TFAP2A: variants seen among roughly 807,000 people sequenced by gnomAD.
The protein encoded by TFAP2A is transcription factor AP-2 alpha, also known as transcription factor AP-2-alpha.
Under a neutral mutation model 41.5 loss-of-function variants are expected in TFAP2A, and 7 were observed. The observed-to-expected ratio is 0.17, with a 90% CI of 0.10 to 0.32. The LOEUF (loss-of-function observed/expected upper bound fraction) is 0.32, where lower values mean the gene tolerates loss of function less well. Ranked by LOEUF, TFAP2A falls within the 10% of genes least tolerant of loss-of-function variation. The pLI is 1.00. For synonymous variants in TFAP2A, 247 were observed against 242.8 expected (o/e 1.02, Z -0.16); for missense variants, 416 against 563.3 (o/e 0.74, Z 2.65).
intron 1 of TFAP2A, among the ~76,000 whole-genome samples, chr6:10,414,407 G>A (rs1045025119): frequency 4.6e-5 from 7 of 152,124 alleles, no homozygotes; most frequent in African/African-American, 1.4e-4. Flanking sequence ...AAGTGTGGGG[G>A]GGCCGTCTCT....
chr6:10,405,898 C>G (rs537348327), intron 3 of TFAP2A: 1 of 152,092 alleles, frequency 6.6e-6, no homozygotes, highest in Non-Finnish European at 1.5e-5. Flanking sequence ...AATAAAAGAG[C>G]CAATTATCAT....
Position 10,398,099 on chromosome 6 carries a change from C to T in TFAP2A, c.*318G>A. On this transcript the variant is annotated 3_prime_UTR_variant, in exon 7 of 7. Transcript: ENST00000379613. This position sits in a 1 kb window ranked among gnomAD's most constrained non-coding sequence, Gnocchi z 5.3. ...TGTTTTGTTTAAAAAAAAAAGGGTT[C>T]ACAAACTTGGCAGAACTTTTCTCTG... 4.1e-6 allele frequency: 5 copies of T among 1,212,516 alleles called. No homozygotes were observed. The highest frequency in any genetic ancestry group is 2.8e-5 in the South Asian group (1 of 36,050). The allele number at this position is 1,212,516 out of a possible 1,614,324, so 75.1% of individuals were successfully genotyped here. A position where few individuals can be genotyped will look rare whatever the true frequency, so the allele number is the denominator to read the frequency against.
chr6:10,415,142 G>A (rs951963481), upstream of TFAP2A: 1 of 1,542,818 alleles, frequency 6.5e-7, no homozygotes, highest in African/African-American at 1.4e-5. Flanking sequence ...AGGGAGAGGA[G>A]GAGGGCAAGG....
intron 6 of TFAP2A, among the ~76,000 whole-genome samples, chr6:10,400,067 A>G (rs1761951013): frequency 6.6e-6 from 1 of 152,148 alleles, no homozygotes; most frequent in South Asian, 2.1e-4. Flanking sequence ...CCCTTGGAGA[A>G]CATATTGATA....
At chr6:10,404,451 A>G in intron 4 of TFAP2A, 57 bp downstream of exon 4, 1 of 1,284,462 alleles carries the variant, frequency 7.8e-7, no homozygotes, top group Non-Finnish European at 1.0e-6. Context: ...CCCCGGCGCA[A>G]GCGCAGTGGT....
chr6:10,411,937 A>T, intron 1 of TFAP2A: 5 of 1,151,628 alleles, frequency 4.3e-6, no homozygotes, highest in Non-Finnish European at 5.4e-6. Context: ...CGTGTTCCTT[A>T]ATCCGTGTCT....
chr6:10,402,739 A>T (rs1488973586), intron 4 of TFAP2A, 129 bp from the exon 5 acceptor site: 15 of 746,918 alleles, frequency 2.0e-5, no homozygotes, highest in Non-Finnish European at 2.8e-5. Flanking sequence ...CAAGACATTT[A>T]AAGGAGGGAA....
intron 6 of TFAP2A, among the ~76,000 whole-genome samples, chr6:10,399,477 G>C (rs1761922419): frequency 6.6e-6 from 1 of 152,214 alleles, no homozygotes; most frequent in Admixed American, 6.5e-5. Flanking sequence ...ATTTCGCAGA[G>C]GTAGATGAGG....
chr6:10,409,790 G>A (rs1255347006), intron 2 of TFAP2A, 111 bp downstream of exon 2: 1 of 1,320,104 alleles, frequency 7.6e-7, no homozygotes, highest in Non-Finnish European at 1.0e-6. Context: ...GTTTTTATAA[G>A]GAAATACTAG....
rs772479857 is a variant in TFAP2A at position 10,410,277 on chromosome 6, C to A, written c.110G>T (p.Gly37Val). 6.2e-6 allele frequency: 10 copies of A among 1,610,988 alleles called. No individual in the cohort carries two copies. In the East Asian group the frequency reaches 2.2e-4, roughly 36 times the overall value. ...TARLPQLGTVGQSPYTSAPPL... is the reference protein window; with the variant it reads ...TARLPQLGTVVQSPYTSAPPL... ...CGGGGCGCTCGTGTAGGGAGATTGA[C>A]CTACAGTGCCCAGCTGGGGCAACCG... The change falls in exon 2 of 7, where the codon GGT becomes GTT. Residue 37 changes from glycine (G) to valine (V), a missense_variant. Transcript: ENST00000379613.
Position 10,397,765 on chromosome 6 carries a change from T to G in TFAP2A, c.*652A>C. 1.5e-6 allele frequency: 1 copy of G among 686,486 alleles called. No homozygotes were observed. The highest frequency in any genetic ancestry group is 1.9e-5 in the African/African-American group (1 of 51,440). The allele number at this position is 686,486 out of a possible 1,614,324, so 42.5% of individuals were successfully genotyped here. A position where few individuals can be genotyped will look rare whatever the true frequency, so the allele number is the denominator to read the frequency against. On this transcript the variant is annotated 3_prime_UTR_variant, in exon 7 of 7. Coordinates refer to ENST00000379613, the MANE Select transcript of TFAP2A (RefSeq NM_001372066.1). ...GTGAACACTGATTCCCTTATATAAC[T>G]GCGAATCGTGTTGCCAGAGAAAGTT...
At chr6:10,419,174 C>T (rs1269938005), upstream of TFAP2A, among the ~76,000 whole-genome samples, 4 of 152,182 alleles carry the variant, frequency 2.6e-5, no homozygotes, top group African/African-American at 9.7e-5. Flanking sequence ...GAGCGTGCGC[C>T]GGACTTCCCC....
At chr6:10,412,614 C>A (rs749291059) in intron 1 of TFAP2A, 10 of 248,550 alleles carry the variant, frequency 4.0e-5, no homozygotes, top group Non-Finnish European at 7.6e-5. Flanking sequence ...CGGGATGCAG[C>A]GGGGGTCGTG....
At chr6:10,416,212 C>CT (rs1159556198), upstream of TFAP2A, 1 of 152,200 alleles carries the variant, frequency 6.6e-6, no homozygotes, top group African/African-American at 2.4e-5. Flanking sequence ...CAAGATTCCC[C>CT]TTTTTAATTA....
chr6:10,413,488 C>T (rs1758091531), intron 1 of TFAP2A, among the ~76,000 whole-genome samples: 1 of 151,536 alleles, frequency 6.6e-6, no homozygotes, highest in Non-Finnish European at 1.5e-5. Flanking sequence ...GGCCAAAGCC[C>T]AGACCAGTAC....
intron 1 of TFAP2A, chr6:10,412,230 G>A (rs547892972): frequency 1.8e-5 from 18 of 988,020 alleles, no homozygotes; most frequent in Non-Finnish European, 2.0e-5. Flanking sequence ...CGAGCGCGCG[G>A]GGGGCCGCGG....
At position 10,398,752 on chromosome 6, in the gene TFAP2A, GGCAGCACTA is replaced by G. The variant is rs755352230; in HGVS notation, c.1032-56_1032-48del. On this transcript the variant is annotated intron_variant, in intron 6 of 6. Transcript: ENST00000379613. This position sits in a 1 kb window ranked among gnomAD's most constrained non-coding sequence, Gnocchi z 5.3. ...GAGAGAGACATAAGGCTCCACTATG[GGCAGCACTA>G]GCAGCAAAGAGAAAACCTCCCTCCC... The G allele has an allele frequency of 1.2e-6, 2 of 1,603,338 alleles. No homozygotes were observed. Among genetic ancestry groups the G allele is most frequent in the Middle Eastern group, 1.8e-4 (1 of 5,534 alleles).
upstream of TFAP2A, among the ~76,000 whole-genome samples, chr6:10,417,671 A>G (rs1181697313): frequency 1.3e-5 from 2 of 152,194 alleles, no homozygotes; most frequent in Non-Finnish European, 2.9e-5. Flanking sequence ...GTGAGGGGCC[A>G]GAACGACTCT....
chr6:10,404,733 A>C lies in TFAP2A; in HGVS notation c.545T>G (p.Val182Gly). ...PDQTVIKKGPVSLSKSNSNAV... is the reference protein window; with the variant it reads ...PDQTVIKKGPGSLSKSNSNAV... ...ATTGCTGTTGGACTTGGACAGGGAC[A>C]CGGGGCCTGCGGAGACAGAGGGGAG... is the stretch of plus-strand genomic sequence containing the variant. The change falls in exon 4 of 7, where the codon GTG becomes GGG. Residue 182 changes from valine (V) to glycine (G), a missense_variant. Transcript: ENST00000379613. 1 of 1,614,108 alleles carries C rather than the reference A, an allele frequency of 6.2e-7. No homozygotes were observed. The highest frequency in any genetic ancestry group is 8.5e-7 in the Non-Finnish European group (1 of 1,179,960).
Sources: allele counts gnomAD v4.1 joint callset (sites outside exome capture counted in the v4.1 genomes callset), GRCh38; gene constraint gnomAD v4.1.1; non-coding constraint Gnocchi (gnomAD v3.1); transcripts MANE v1.5; gene names NCBI Gene and HGNC (gene_info 2026-07-23, HGNC 2026-07-21).